AATK: variants seen among roughly 807,000 people sequenced by gnomAD.
AATK encodes the protein lemur tail kinase 1.
AATK carries 91 observed loss-of-function variants against 114.3 expected under a neutral mutation model. The observed-to-expected ratio is 0.80, with a 90% CI of 0.67 to 0.95. The LOEUF (loss-of-function observed/expected upper bound fraction) is 0.95, where lower values mean the gene tolerates loss of function less well. AATK is among the 40% of genes least tolerant of loss of function. The pLI is 0.00. For synonymous variants in AATK, 1,075 were observed against 916.5 expected (o/e 1.17, Z -3.12); for missense variants, 2,176 against 1,965.2 (o/e 1.11, Z -2.03).
chr17:81,149,103 G>A (rs539555839), intron 1 of AATK, among the ~76,000 whole-genome samples: 1 of 152,242 alleles, frequency 6.6e-6, no homozygotes, highest in African/African-American at 2.4e-5. Context: ...TGGCCATCCC[G>A]AGAGCTGCAT....
chr17:81,124,975 C>G lies in AATK; in HGVS notation c.795G>C (p.Leu265=), dbSNP rs950461326. Residue 265 remains leucine, a synonymous_variant, in exon 8 of 14, where the codon CTG becomes CTC. Coordinates refer to ENST00000326724, the MANE Select transcript of AATK (RefSeq NM_001080395.3). ...GGCCATAGTCACCAATCTTCACCGT[C>G]AGGTCAGCCGTGAGCAGGCAGTTCC... is the stretch of plus-strand genomic sequence containing the variant. ...ALRNCLLTAD[L]TVKIGDYGLA... The G allele has an allele frequency of 6.3e-6, 10 of 1,580,120 alleles. No homozygotes were observed. The African/African-American group carries it at 1.3e-4, about 21-fold the overall frequency.
intron 1 of AATK, among the ~76,000 whole-genome samples, chr17:81,161,628 G>A (rs977602866): frequency 1.3e-4 from 20 of 152,162 alleles, no homozygotes; most frequent in Admixed American, 2.6e-4. Flanking sequence ...ACGGCCCCCG[G>A]GTTCTCTCAG....
At chr17:81,140,235 C>A (rs543406172) in intron 1 of AATK, among the ~76,000 whole-genome samples, 1 of 152,174 alleles carries the variant, frequency 6.6e-6, no homozygotes, top group Non-Finnish European at 1.5e-5. Flanking sequence ...TGCACTCTGC[C>A]GTGAGGGAAG....
chr17:81,137,914 A>G (rs1197929685), intron 1 of AATK, among the ~76,000 whole-genome samples: 1 of 54,770 alleles, frequency 1.8e-5, no homozygotes. Flanking sequence ...ACACACGGGC[A>G]CACGTGCACA....
At chr17:81,130,193 C>T (rs999936865) in intron 3 of AATK, among the ~76,000 whole-genome samples, 13 of 152,352 alleles carry the variant, frequency 8.5e-5, no homozygotes, top group African/African-American at 2.9e-4. Flanking sequence ...GGCAGGGGCC[C>T]CTCCCACTGG....
At chr17:81,133,210 C>G (rs1282287414) in intron 2 of AATK, 2 of 492,056 alleles carry the variant, frequency 4.1e-6, no homozygotes, top group Admixed American at 4.4e-5. Context: ...GTGGCCACTT[C>G]AGAGGGCTCT....
intron 1 of AATK, chr17:81,165,671 G>C (rs1010607430): frequency 1.8e-5 from 27 of 1,508,340 alleles, no homozygotes; most frequent in Admixed American, 1.6e-4. Flanking sequence ...GGCCCTCCGT[G>C]CCCCAGTTAC....
chr17:81,127,725 G>C (rs897869962), intron 5 of AATK, 55 bp from the exon 6 acceptor site: 4 of 1,527,908 alleles, frequency 2.6e-6, no homozygotes, highest in South Asian at 2.4e-5. Flanking sequence ...AGGGGGAGTC[G>C]GGCCGAGCAG....
rs545189896 is a variant in AATK at position 81,124,486 on chromosome 17, G to A, written c.962+241C>T. 2.0e-4 allele frequency among the ~76,000 whole-genome samples: 30 copies of A among 152,316 alleles called. No homozygotes were observed. The South Asian group carries it at 3.9e-3, about 20-fold the overall frequency. ...ACAGACCCCCCGGCATGCTGAAGAC[G>A]GGCCGTTGGCCCTGTACGTATGCCT... is the stretch of plus-strand genomic sequence containing the variant. On this transcript the variant is annotated intron_variant, in intron 9 of 13. Transcript: ENST00000326724.
At chr17:81,119,266 C>CGGAGT in intron 13 of AATK, 114 bp downstream of exon 13, 2 of 1,144,090 alleles carry the variant, frequency 1.7e-6, no homozygotes, top group Non-Finnish European at 1.2e-6. Context: ...AGGAGCGGAG[C>CGGAGT]GGAGCGGAGC....
Position 81,122,355 on chromosome 17 carries a change from G to A in AATK, c.1581C>T (p.Gly527=). 2.6e-6 allele frequency: 4 copies of A among 1,509,702 alleles called. No homozygotes were observed. The highest frequency in any genetic ancestry group is 3.5e-6 in the Non-Finnish European group (4 of 1,133,326). The allele number at this position is 1,509,702 out of a possible 1,614,324, so 93.5% of individuals were successfully genotyped here. ...PVLSAHSPSL[G]SEYFIRLEEA... ...CCTCTAGGCGGATGAAGTACTCGCT[G>A]CCCAGCGACGGGCTGTGCGCGCTGA... The change falls in exon 11 of 14, where the codon GGC becomes GGT. Residue 527 remains glycine, a synonymous_variant. Transcript: ENST00000326724.
chr17:81,127,332 A>G (rs954832618), intron 6 of AATK, among the ~76,000 whole-genome samples: 3 of 152,040 alleles, frequency 2.0e-5, no homozygotes, highest in Admixed American at 2.0e-4. Context: ...GTGACCAAGC[A>G]GCTGGCAGCT....
chr17:81,130,720 C>T (rs2060917092), intron 3 of AATK, among the ~76,000 whole-genome samples: 1 of 152,112 alleles, frequency 6.6e-6, no homozygotes, highest in African/African-American at 2.4e-5. Context: ...CGCACCCCTG[C>T]CCCAGTGCCC....
chr17:81,162,685 G>C (rs142068768), intron 1 of AATK, among the ~76,000 whole-genome samples: 1 of 152,188 alleles, frequency 6.6e-6, no homozygotes, highest in African/African-American at 2.4e-5. Flanking sequence ...CCAGGTGTCC[G>C]GTTCACATGA....
At chr17:81,119,112 A>G (rs2060627603) in intron 13 of AATK, among the ~76,000 whole-genome samples, 1 of 150,740 alleles carries the variant, frequency 6.6e-6, no homozygotes, top group Non-Finnish European at 1.5e-5. Context: ...CAGGCAGAGG[A>G]GAGCCGAGTG....
intron 9 of AATK, 114 bp from the exon 10 acceptor site, chr17:81,123,457 GAC>G: frequency 1.0e-6 from 1 of 1,000,808 alleles, no homozygotes; most frequent in Non-Finnish European, 1.3e-6. Context: ...AGTGCCTCAG[GAC>G]CGGGGCCTGG....
intron 3 of AATK, among the ~76,000 whole-genome samples, chr17:81,129,280 G>A (rs2060894994): frequency 6.6e-6 from 1 of 152,214 alleles, no homozygotes; most frequent in Non-Finnish European, 1.5e-5. Context: ...TAGAGGCGGG[G>A]CAGGGCAGAA....
intron 1 of AATK, among the ~76,000 whole-genome samples, chr17:81,147,980 G>A (rs754797094): frequency 8.5e-5 from 12 of 141,560 alleles, no homozygotes; most frequent in Admixed American, 4.7e-4. Context: ...ACCATGCGCC[G>A]TTTGGTTCTC....
Position 81,117,644 on chromosome 17 carries a change from C to G in AATK, c.*758G>C, listed in dbSNP as rs2060582308. 1 of 152,274 alleles carries G rather than the reference C, an allele frequency of 6.6e-6. No individual in the cohort carries two copies. The highest frequency in any genetic ancestry group is 1.5e-5 in the Non-Finnish European group (1 of 68,088). 9.4% of individuals were successfully genotyped at this position (152,274 alleles called of 1,614,324 possible). On this transcript the variant is annotated 3_prime_UTR_variant, in exon 14 of 14. Coordinates refer to ENST00000326724, the MANE Select transcript of AATK (RefSeq NM_001080395.3). ...CCAGATACTGCCCCACAGAGGGGAG[C>G]TGCCTGCACGGTCCTGCCAAGGGCA... is the stretch of plus-strand genomic sequence containing the variant.
Sources: gnomAD v4.1 joint callset for allele counts (sites outside exome capture counted in the v4.1 genomes callset) on GRCh38, gnomAD v4.1.1 for gene constraint, MANE v1.5 for transcripts, NCBI Gene and HGNC (gene_info 2026-07-23, HGNC 2026-07-21) for gene names.